Variants in ACOT7 observed in about 807,000 individuals in gnomAD.
ACOT7 encodes the protein acyl-CoA thioesterase 7, also known as cytosolic acyl coenzyme A thioester hydrolase.
A neutral mutation model predicts 40.2 loss-of-function variants in ACOT7; 12 were observed. That is an observed-to-expected ratio of 0.30 (90% confidence interval 0.19 to 0.48). The LOEUF (loss-of-function observed/expected upper bound fraction) is 0.48. Among genes scored for constraint, ACOT7 ranks in the 20% least tolerant of loss-of-function variants. ACOT7 has a pLI of 0.99. For synonymous variants in ACOT7, 228 were observed against 219.5 expected (o/e 1.04, Z -0.34); for missense variants, 395 against 530.8 (o/e 0.74, Z 2.51).
chr1:6,343,406 C>A (rs1404981907), intron 2 of ACOT7, among the ~76,000 whole-genome samples: 1 of 152,262 alleles, frequency 6.6e-6, no homozygotes, highest in Non-Finnish European at 1.5e-5. Flanking sequence ...GACTCTCCTG[C>A]ACACAGGCGC....
chr1:6,380,605 A>AG (rs141366362), intron 1 of ACOT7, among the ~76,000 whole-genome samples: 8,695 of 149,624 alleles, frequency 0.058, 403 homozygotes, highest in Non-Finnish European at 0.068. Flanking sequence ...AAAAAAAACA[A>AG]GAAGACGACC....
chr1:6,334,192 A>C lies in ACOT7; in HGVS notation c.419-624T>G, dbSNP rs1641037717. On this transcript the variant is annotated intron_variant, in intron 3 of 8. Coordinates refer to ENST00000361521, the MANE Select transcript of ACOT7 (RefSeq NM_007274.4). The stretch of plus-strand genomic sequence containing the variant: ...GGGGACACGAGGCTGAGCCCGCTTC[A>C]CCTGCTGGCTCAAGTCTCCAGCAAC... 2.0e-5 allele frequency among the ~76,000 whole-genome samples: 3 copies of C among 152,200 alleles called. No homozygotes were observed. The South Asian group carries it at 6.2e-4, about 32-fold the overall frequency.
chr1:6,311,632 G>A lies in ACOT7; in HGVS notation c.712+6860C>T, dbSNP rs1314865538. On this transcript the variant is annotated intron_variant, in intron 6 of 8. Coordinates refer to ENST00000361521, the MANE Select transcript of ACOT7 (RefSeq NM_007274.4). The surrounding 1 kb of genome is among the most constrained non-coding windows in gnomAD (Gnocchi z 5.2). ...ACTGTAGGAATGAGGTTCTTCTTCCGGCTTCTCAAAATAGCTCAAAATGGG... is the reference window on the plus strand; with the variant it reads ...ACTGTAGGAATGAGGTTCTTCTTCCAGCTTCTCAAAATAGCTCAAAATGGG... 2.0e-5 allele frequency among the ~76,000 whole-genome samples: 3 copies of A among 152,116 alleles called. No individual in the cohort carries two copies. Among genetic ancestry groups the A allele is most frequent in the Admixed American group, 6.5e-5 (1 of 15,274 alleles).
chr1:6,363,514 C>G (rs1641935842), intron 1 of ACOT7, among the ~76,000 whole-genome samples: 2 of 152,154 alleles, frequency 1.3e-5, no homozygotes, highest in Admixed American at 1.3e-4. Context: ...ATGTTCCATC[C>G]TGCACACCTG....
intron 1 of ACOT7, among the ~76,000 whole-genome samples, chr1:6,386,887 C>A (rs913224473): frequency 1.3e-5 from 2 of 152,126 alleles, no homozygotes; most frequent in African/African-American, 2.4e-5. Flanking sequence ...AACCACAAAA[C>A]AAAGATCTCA....
At chr1:6,376,951 T>C (rs1384881287) in intron 1 of ACOT7, among the ~76,000 whole-genome samples, 1 of 152,150 alleles carries the variant, frequency 6.6e-6, no homozygotes, top group Non-Finnish European at 1.5e-5. Context: ...TATAAGAGGA[T>C]ATACAGACAG....
chr1:6,368,217 CCTGT>C (rs1377169979), intron 1 of ACOT7, among the ~76,000 whole-genome samples: 16 of 152,184 alleles, frequency 1.1e-4, no homozygotes, highest in Admixed American at 3.3e-4. Context: ...TACCCAGGAG[CCTGT>C]CTGTCTCTCG....
chr1:6,324,150 G>A (rs1640735788), intron 5 of ACOT7, among the ~76,000 whole-genome samples: 1 of 152,058 alleles, frequency 6.6e-6, no homozygotes, highest in Non-Finnish European at 1.5e-5. Context: ...TCTCAGATGA[G>A]CCCACCCCTG....
intron 8 of ACOT7, 152 bp downstream of exon 8, chr1:6,280,950 C>CCGGTCA: frequency 1.8e-6 from 2 of 1,085,880 alleles, no homozygotes; most frequent in Non-Finnish European, 2.6e-6. Flanking sequence ...CCCGAGGTCA[C>CCGGTCA]CGGTCACGGC....
intron 6 of ACOT7, among the ~76,000 whole-genome samples, chr1:6,317,848 CAGCCTCCCG>C (rs763397302): frequency 4.0e-5 from 6 of 151,552 alleles, no homozygotes; most frequent in Admixed American, 6.6e-5. Flanking sequence ...TCTCTTGCCT[CAGCCTCCCG>C]AGTAGCTGGG....
Position 6,301,537 on chromosome 1 carries a change from T to C in ACOT7, c.713-6557A>G, listed in dbSNP as rs1210162588. Reference sequence around the variant, plus strand: ...CATGATGTGACATGGACGCCTGCACTGGGTGAGGACCTGCCTCGTTGTCCC... The same window carrying C: ...CATGATGTGACATGGACGCCTGCACCGGGTGAGGACCTGCCTCGTTGTCCC... On this transcript the variant is annotated intron_variant, in intron 6 of 8. Transcript: ENST00000361521. This position sits in a 1 kb window ranked among gnomAD's most constrained non-coding sequence, Gnocchi z 4.1. Among the ~76,000 whole-genome samples the C allele has an allele frequency of 2.0e-5, 3 of 152,170 alleles. No homozygotes were observed. Among genetic ancestry groups the C allele is most frequent in the Non-Finnish European group, 2.9e-5 (2 of 68,024 alleles).
intron 1 of ACOT7, among the ~76,000 whole-genome samples, chr1:6,350,350 AC>A (rs926781929): frequency 4.6e-5 from 7 of 152,042 alleles, no homozygotes; most frequent in Non-Finnish European, 8.8e-5. Flanking sequence ...CAGCTTCAAG[AC>A]CCCAGGCCCT....
intron 8 of ACOT7, 24 bp downstream of exon 8, chr1:6,281,078 G>C: frequency 6.2e-7 from 1 of 1,607,538 alleles, no homozygotes; most frequent in East Asian, 2.2e-5. Flanking sequence ...GGGAGGGGCC[G>C]CCGTTCCAAG....
Position 6,310,566 on chromosome 1 carries a change from C to T in ACOT7, c.712+7926G>A, listed in dbSNP as rs116742765. 8.5e-3 allele frequency among the ~76,000 whole-genome samples: 1,290 copies of T among 152,272 alleles called. 19 individuals carry two copies. Among genetic ancestry groups the T allele is most frequent in the African/African-American group, 0.028 (1,166 of 41,538 alleles). The stretch of plus-strand genomic sequence containing the variant: ...GGACATAGGGACACGGTTGCTGGAT[C>T]CATTGAGACAAACCTACACTCTAGC... On this transcript the variant is annotated intron_variant, in intron 6 of 8. Transcript: ENST00000361521.
chr1:6,309,007 C>T (rs1640255973), intron 6 of ACOT7, among the ~76,000 whole-genome samples: 2 of 152,210 alleles, frequency 1.3e-5, no homozygotes, highest in African/African-American at 4.8e-5. Context: ...GCCATGACAG[C>T]ACTCACCGCC....
At chr1:6,303,513 C>T (rs1640027495) in intron 6 of ACOT7, among the ~76,000 whole-genome samples, 1 of 152,184 alleles carries the variant, frequency 6.6e-6, no homozygotes, top group Non-Finnish European at 1.5e-5. Flanking sequence ...GTGACTGGGT[C>T]AGGCTTGCCT....
intron 2 of ACOT7, among the ~76,000 whole-genome samples, chr1:6,345,960 T>C (rs999224742): frequency 1.3e-5 from 2 of 152,210 alleles, no homozygotes; most frequent in Non-Finnish European, 2.9e-5. Context: ...AAGCACGCTC[T>C]ATGCTCAGTC....
intron 1 of ACOT7, among the ~76,000 whole-genome samples, chr1:6,373,526 C>T (rs1157985336): frequency 1.3e-5 from 2 of 151,592 alleles, no homozygotes; most frequent in African/African-American, 2.4e-5. Flanking sequence ...GCTGAGATTA[C>T]AGGCCTGAGC....
intron 5 of ACOT7, among the ~76,000 whole-genome samples, 160 bp downstream of exon 5, chr1:6,327,139 G>A (rs1640820212): frequency 6.6e-6 from 1 of 152,124 alleles, no homozygotes; most frequent in Non-Finnish European, 1.5e-5. Flanking sequence ...GGGGCTGGGG[G>A]ACAGCCCTCC....
Sources: gnomAD v4.1 joint callset for allele counts (sites outside exome capture counted in the v4.1 genomes callset) on GRCh38, gnomAD v4.1.1 for gene constraint, Gnocchi (gnomAD v3.1) non-coding constraint, MANE v1.5 for transcripts, NCBI Gene and HGNC (gene_info 2026-07-23, HGNC 2026-07-21) for gene names.